TAFA5: variants seen among roughly 807,000 people sequenced by gnomAD.
TAFA5 encodes the protein TAFA chemokine like family member 5.
Under a neutral mutation model 15.3 loss-of-function variants are expected in TAFA5, and 6 were observed. The observed-to-expected ratio is 0.39, with a 90% confidence interval of 0.21 to 0.77. TAFA5 has a LOEUF of 0.77. Among genes scored for constraint, TAFA5 ranks in the 30% least tolerant of loss-of-function variants. The pLI, the probability that TAFA5 is intolerant of heterozygous loss-of-function variation, is 0.41. For synonymous variants in TAFA5, 103 were observed against 80.7 expected (o/e 1.28, Z -1.48); for missense variants, 161 against 193.1 (o/e 0.83, Z 0.98).
chr22:48,525,295 G>A (rs965397354), intron 1 of TAFA5, among the ~76,000 whole-genome samples: 5 of 152,148 alleles, frequency 3.3e-5, no homozygotes, highest in Non-Finnish European at 7.4e-5. Flanking sequence ...ATCTTAGGCC[G>A]ATGCCCTTAG....
chr22:48,720,309 G>A (rs1007740168), intron 3 of TAFA5, among the ~76,000 whole-genome samples: 2 of 152,042 alleles, frequency 1.3e-5, no homozygotes, highest in South Asian at 2.1e-4. Context: ...TCTCCCCACC[G>A]TTCCCATCCC....
At chr22:48,568,516 G>A (rs370140137) in intron 1 of TAFA5, among the ~76,000 whole-genome samples, 1 of 152,244 alleles carries the variant, frequency 6.6e-6, no homozygotes. Flanking sequence ...CCCCACAACA[G>A]TGTGTCCCAG....
chr22:48,544,537 C>A (rs1922586925), intron 1 of TAFA5: 5 of 380,926 alleles, frequency 1.3e-5, no homozygotes, highest in African/African-American at 2.1e-5. Context: ...AGCTGCAGCA[C>A]CAGGAGGGTG....
At chr22:48,534,051 C>T (rs1440094044) in intron 1 of TAFA5, among the ~76,000 whole-genome samples, 1 of 152,112 alleles carries the variant, frequency 6.6e-6, no homozygotes, top group Non-Finnish European at 1.5e-5. Flanking sequence ...CAGGAGAGCC[C>T]ACATGGTCTC....
chr22:48,651,244 G>A (rs1011668161), intron 2 of TAFA5, among the ~76,000 whole-genome samples: 7 of 152,232 alleles, frequency 4.6e-5, no homozygotes, highest in African/African-American at 1.7e-4. Context: ...CTCAAGTCTC[G>A]GTCGTGGGCG....
intron 2 of TAFA5, among the ~76,000 whole-genome samples, chr22:48,658,477 C>T (rs1275791823): frequency 2.0e-5 from 3 of 152,238 alleles, no homozygotes; most frequent in Non-Finnish European, 2.9e-5. Context: ...CTGAAAGCCA[C>T]GCTGCATCTT....
chr22:48,532,346 C>T (rs1056930243), intron 1 of TAFA5, among the ~76,000 whole-genome samples: 2 of 152,210 alleles, frequency 1.3e-5, no homozygotes, highest in Non-Finnish European at 2.9e-5. Context: ...TCAGCCCTGA[C>T]AGCTCGGATC....
At chr22:48,615,670 C>T (rs563227952) in intron 1 of TAFA5, among the ~76,000 whole-genome samples, 1 of 152,340 alleles carries the variant, frequency 6.6e-6, no homozygotes, top group East Asian at 1.9e-4. Flanking sequence ...CTAGACTGTT[C>T]CTGGGGTTCA....
At chr22:48,679,039 C>T (rs376488324) in intron 2 of TAFA5, among the ~76,000 whole-genome samples, 45,568 of 47,796 alleles carry the variant, frequency 0.95, 21,731 homozygotes, top group Middle Eastern at 0.97. Context: ...CCTCTCCTGG[C>T]TCCCCAGCTC....
chr22:48,605,524 G>GA (rs1569044388), intron 1 of TAFA5, among the ~76,000 whole-genome samples: 1 of 152,052 alleles, frequency 6.6e-6, no homozygotes, highest in East Asian at 1.9e-4. Flanking sequence ...TTGTGGTGGT[G>GA]ATAGGGCCTA....
intron 1 of TAFA5, among the ~76,000 whole-genome samples, chr22:48,526,669 G>T (rs758955496): frequency 6.6e-6 from 1 of 152,202 alleles, no homozygotes; most frequent in Non-Finnish European, 1.5e-5. Flanking sequence ...TTTGCATGTC[G>T]ATCACGCTGC....
intron 2 of TAFA5, among the ~76,000 whole-genome samples, chr22:48,678,241 G>T (rs953605031): frequency 6.6e-6 from 1 of 152,186 alleles, no homozygotes; most frequent in Non-Finnish European, 1.5e-5. Flanking sequence ...GGCTATAAGG[G>T]CCCCCAGGGA....
intron 2 of TAFA5, among the ~76,000 whole-genome samples, chr22:48,694,287 G>A (rs916978606): frequency 1.8e-4 from 27 of 152,202 alleles, no homozygotes; most frequent in Non-Finnish European, 1.5e-5. Context: ...GGGCCCCAAC[G>A]CTCAGAAAGC....
At chr22:48,585,860 CACAA>C (rs567377075) in intron 1 of TAFA5, among the ~76,000 whole-genome samples, 107 of 152,288 alleles carry the variant, frequency 7.0e-4, no homozygotes, top group Non-Finnish European at 1.1e-3. Context: ...GACACACACA[CACAA>C]ACATACACCA....
chr22:48,526,292 T>C (rs1228628556), intron 1 of TAFA5, among the ~76,000 whole-genome samples: 1 of 152,252 alleles, frequency 6.6e-6, no homozygotes, highest in Non-Finnish European at 1.5e-5. Flanking sequence ...GGAGGTCCCC[T>C]GCACCCTGGC....
intron 3 of TAFA5, among the ~76,000 whole-genome samples, chr22:48,733,020 C>T (rs2147268175): frequency 6.6e-6 from 1 of 152,262 alleles, no homozygotes; most frequent in Non-Finnish European, 1.5e-5. Context: ...ATAATATAAA[C>T]ATAGCTTTTA....
intron 1 of TAFA5, among the ~76,000 whole-genome samples, chr22:48,505,413 C>T (rs997364293): frequency 6.6e-6 from 1 of 152,198 alleles, no homozygotes; most frequent in Non-Finnish European, 1.5e-5. Flanking sequence ...TTCATGGGCC[C>T]CCTTTTACAG....
At chr22:48,590,593 G>A (rs1041926233) in intron 1 of TAFA5, among the ~76,000 whole-genome samples, 3 of 151,996 alleles carry the variant, frequency 2.0e-5, no homozygotes, top group Non-Finnish European at 4.4e-5. Context: ...AGCCTGGGCC[G>A]AGCTGACCAC....
At chr22:48,696,352 C>T (rs1368528968) in intron 2 of TAFA5, among the ~76,000 whole-genome samples, 1 of 152,210 alleles carries the variant, frequency 6.6e-6, no homozygotes, top group African/African-American at 2.4e-5. Context: ...CCTCTTTTCT[C>T]ACTCCTTCCT....
Sources: gnomAD v4.1 joint callset for allele counts (sites outside exome capture counted in the v4.1 genomes callset) on GRCh38, gnomAD v4.1.1 for gene constraint, MANE v1.5 for transcripts, NCBI Gene and HGNC (gene_info 2026-07-23, HGNC 2026-07-21) for gene names.